The following RASGRF1 variants were observed in gnomAD, a reference collection of about 807,000 sequenced individuals.
RASGRF1 encodes the protein Ras protein specific guanine nucleotide releasing factor 1.
Under a neutral mutation model 138.7 loss-of-function variants are expected in RASGRF1, and 40 were observed. The ratio of observed to expected loss-of-function variants is 0.29; its 90% confidence interval spans 0.22 to 0.38. The LOEUF (loss-of-function observed/expected upper bound fraction) is 0.38, where lower values mean the gene tolerates loss of function less well. Ranked by LOEUF, RASGRF1 falls within the 10% of genes least tolerant of loss-of-function variation. RASGRF1 has a pLI of 1.00. For synonymous variants in RASGRF1, 614 were observed against 663.2 expected (o/e 0.93, Z 1.14); for missense variants, 1,108 against 1,650.4 (o/e 0.67, Z 5.69).
rs760256209 is a variant in RASGRF1 at position 78,973,346 on chromosome 15, T to C, written c.3569A>G (p.Asn1190Ser). The change falls in exon 25 of 27, where the codon AAT becomes AGT. Residue 1190 changes from asparagine to serine, a missense_variant. Coordinates refer to ENST00000558480, the MANE Select transcript of RASGRF1 (RefSeq NM_001145648.3). This position sits in a 1 kb window ranked among gnomAD's most constrained non-coding sequence, Gnocchi z 4.9. The stretch of plus-strand genomic sequence containing the variant: ...GTTGACCAGGCCGTCTTCCGTGTAA[T>C]TGGGCGTCCCCTCCTCGATGAAGGC... ...DLAFIEEGTP[N>S]YTEDGLVNFS... 4 of 1,613,774 alleles carry C rather than the reference T, an allele frequency of 2.5e-6. No homozygotes were observed. Among genetic ancestry groups the C allele is most frequent in the Non-Finnish European group, 3.4e-6 (4 of 1,179,866 alleles).
chr15:79,052,341 C>T (rs1360369091), intron 3 of RASGRF1, among the ~76,000 whole-genome samples: 1 of 152,214 alleles, frequency 6.6e-6, no homozygotes, highest in Admixed American at 6.5e-5. Context: ...TTGTTAGCAG[C>T]CAATGGTTTA....
chr15:79,055,153 T>C (rs993564504), intron 3 of RASGRF1, among the ~76,000 whole-genome samples: 5 of 152,182 alleles, frequency 3.3e-5, no homozygotes, highest in African/African-American at 4.8e-5. Flanking sequence ...TTCCTCCCCA[T>C]GGATCTTGGT....
chr15:79,066,499 G>A (rs2057682740), intron 1 of RASGRF1, among the ~76,000 whole-genome samples: 1 of 152,256 alleles, frequency 6.6e-6, no homozygotes, highest in Non-Finnish European at 1.5e-5. Context: ...TCTCCTTAGA[G>A]CCCCAAGGGG....
At chr15:78,977,802 G>A (rs2055905304) in intron 24 of RASGRF1, among the ~76,000 whole-genome samples, 1 of 152,244 alleles carries the variant, frequency 6.6e-6, no homozygotes, top group African/African-American at 2.4e-5. Context: ...GTGCAGATAT[G>A]CAAGTGTGTG....
chr15:79,073,549 T>C lies in RASGRF1; in HGVS notation c.277-9023A>G, dbSNP rs921491052. Among the ~76,000 whole-genome samples the C allele has an allele frequency of 2.0e-5, 3 of 152,038 alleles. No homozygotes were observed. Among genetic ancestry groups the C allele is most frequent in the Non-Finnish European group, 2.9e-5 (2 of 67,986 alleles). ...GAGGAGGTGTGAGGCCAAGCAGAGA[T>C]AGCAGAGCACCGAGGGTGGCACTGG... On this transcript the variant is annotated intron_variant, in intron 1 of 26. Transcript: ENST00000558480. This position sits in a 1 kb window ranked among gnomAD's most constrained non-coding sequence, Gnocchi z 4.2.
At chr15:78,977,401 A>G (rs1002635267) in intron 24 of RASGRF1, among the ~76,000 whole-genome samples, 6 of 151,014 alleles carry the variant, frequency 4.0e-5, no homozygotes, top group African/African-American at 9.7e-5. Context: ...CACGAGGTAC[A>G]GGGTGATCAG....
chr15:78,974,215 G>A (rs932040491), intron 24 of RASGRF1, among the ~76,000 whole-genome samples: 18 of 152,170 alleles, frequency 1.2e-4, no homozygotes, highest in African/African-American at 3.9e-4. Flanking sequence ...GGAGCCCGGC[G>A]GTCGTTATGT....
In RASGRF1 at chr15:79,015,309, G is replaced by A. The variant is rs1366679322; in HGVS notation, c.1826+18C>T. On this transcript the variant is annotated intron_variant, in intron 13 of 26. Transcript: ENST00000558480. Reference sequence around the variant, plus strand: ...CTCTGGAATGCTGCCTGGTCAAGATGGGGTTAAGGGCACTTACTTGATCAT... The same window carrying A: ...CTCTGGAATGCTGCCTGGTCAAGATAGGGTTAAGGGCACTTACTTGATCAT... 6.2e-7 allele frequency: 1 copy of A among 1,601,950 alleles called. No homozygotes were observed. Among genetic ancestry groups the A allele is most frequent in the Non-Finnish European group, 8.6e-7 (1 of 1,169,016 alleles).
intron 1 of RASGRF1, among the ~76,000 whole-genome samples, chr15:79,072,265 A>ATTTTTTTTTTTTTTTTTTTTTT (rs1567614777): frequency 2.1e-5 from 1 of 46,660 alleles, no homozygotes; most frequent in Non-Finnish European, 4.8e-5. Context: ...TTGATAAACA[A>ATTTTTTTTTTTTTTTTTTTTTT]TCTTTTTTTT....
In RASGRF1 at chr15:79,049,556, G is replaced by C; in HGVS notation, c.564C>G (p.Ile188Met). The C allele has an allele frequency of 1.9e-6, 3 of 1,614,000 alleles. No homozygotes were observed. Among genetic ancestry groups the C allele is most frequent in the Non-Finnish European group, 2.5e-6 (3 of 1,179,958 alleles). The change falls in exon 4 of 27, where the codon ATC (isoleucine) becomes ATG (methionine). Residue 188 changes from isoleucine to methionine, a missense_variant. Physicochemically the swap from Ile to Met is conservative, Grantham distance 10. Coordinates refer to ENST00000558480, the MANE Select transcript of RASGRF1 (RefSeq NM_001145648.3). Reference protein sequence around the residue: ...ITSLLKDNERIQSTQTVAPND... With the variant: ...ITSLLKDNERMQSTQTVAPND... ...TGGGGGCGACAGTCTGGGTGGACTG[G>C]ATGCGCTCATTGTCCTTGAGCAGGG...
chr15:79,072,919 C>A (rs1306104114), intron 1 of RASGRF1, among the ~76,000 whole-genome samples: 10 of 152,198 alleles, frequency 6.6e-5, no homozygotes, highest in African/African-American at 2.4e-4. Context: ...AACACACGAG[C>A]CTCAGTGTGA....
chr15:78,967,800 A>G (rs1256959002), intron 26 of RASGRF1, among the ~76,000 whole-genome samples: 1 of 152,170 alleles, frequency 6.6e-6, no homozygotes, highest in African/African-American at 2.4e-5. Flanking sequence ...CTGAGGGCTG[A>G]ACCATTTGAA....
intron 10 of RASGRF1, among the ~76,000 whole-genome samples, chr15:79,024,362 C>T (rs12148401): frequency 0.2 from 30,145 of 151,790 alleles, 3,337 homozygotes; most frequent in Middle Eastern, 0.29. Flanking sequence ...CACATAGAGG[C>T]AAACACATAC....
chr15:78,980,799 C>T, intron 23 of RASGRF1, 100 bp from the exon 24 acceptor site: 2 of 858,548 alleles, frequency 2.3e-6, no homozygotes, highest in Non-Finnish European at 3.5e-6. Flanking sequence ...CAACAGGGCT[C>T]CAGAATTGCC....
At chr15:78,968,716 C>G (rs2055693605) in intron 26 of RASGRF1, among the ~76,000 whole-genome samples, 1 of 152,152 alleles carries the variant, frequency 6.6e-6, no homozygotes. Flanking sequence ...AGCCTCTGTT[C>G]CCAACTCTGC....
chr15:79,017,043 C>T (rs979974913), intron 12 of RASGRF1, among the ~76,000 whole-genome samples: 4 of 152,214 alleles, frequency 2.6e-5, no homozygotes, highest in African/African-American at 7.2e-5. Context: ...CCTTGCTGGG[C>T]TCAGGGAGGG....
chr15:79,030,260 C>T (rs1195741081), intron 8 of RASGRF1, among the ~76,000 whole-genome samples: 4 of 152,114 alleles, frequency 2.6e-5, no homozygotes, highest in East Asian at 1.9e-4. Context: ...TTTGGCAGTG[C>T]CCTGGGTAGG....
At position 79,027,754 on chromosome 15, in the gene RASGRF1, G is replaced by C. The variant is rs749734458; in HGVS notation, c.1368C>G (p.Thr456=). The stretch of plus-strand genomic sequence containing the variant: ...CAGAGGCCATACCTTGTCTCACAAA[G>C]GTCTGGCTGGTGTCCAGGAGGATCT... ...GCEILLDTSQ[T]FVRQGSLIQV... The change falls in exon 9 of 27, where the codon ACC becomes ACG. Residue 456 remains threonine (T), a synonymous_variant. Coordinates refer to ENST00000558480, the MANE Select transcript of RASGRF1 (RefSeq NM_001145648.3). The surrounding 1 kb of genome is among the most constrained non-coding windows in gnomAD (Gnocchi z 4.8). 1.3e-5 allele frequency: 21 copies of C among 1,614,212 alleles called. No individual in the cohort carries two copies. Among genetic ancestry groups the C allele is most frequent in the Non-Finnish European group, 1.7e-5 (20 of 1,180,030 alleles).
chr15:79,006,200 A>G lies in RASGRF1; in HGVS notation c.2061T>C (p.Ser687=), dbSNP rs1278610454. The part of the protein sequence containing the change: ...KLITIYKKPI[S]AIPARSLELL... ...ACCTCAGCCACCTGGCAGGAATGGCACTGATAGGCTTCTTGTAGATGGTAA... is the reference window on the plus strand; with the variant it reads ...ACCTCAGCCACCTGGCAGGAATGGCGCTGATAGGCTTCTTGTAGATGGTAA... Residue 687 remains serine, a synonymous_variant, in exon 14 of 27, where the codon AGT becomes AGC. Transcript: ENST00000558480. The surrounding 1 kb of genome is among the most constrained non-coding windows in gnomAD (Gnocchi z 4.0). The G allele has an allele frequency of 6.2e-7, 1 of 1,614,108 alleles. No individual in the cohort carries two copies. The highest frequency in any genetic ancestry group is 8.5e-7 in the Non-Finnish European group (1 of 1,180,042).
Sources: allele counts gnomAD v4.1 joint callset (sites outside exome capture counted in the v4.1 genomes callset), GRCh38; gene constraint gnomAD v4.1.1; non-coding constraint Gnocchi (gnomAD v3.1); transcripts MANE v1.5; gene names NCBI Gene and HGNC (gene_info 2026-07-23, HGNC 2026-07-21).